Variants in STAT3 observed in about 807,000 individuals in gnomAD.
STAT3 encodes the protein signal transducer and activator of transcription 3, also known as DNA-binding protein APRF.
In STAT3, 7 loss-of-function variants were observed where a neutral mutation model predicts 114.3. That is an observed-to-expected ratio of 0.06 (90% CI 0.03 to 0.11). The LOEUF is 0.11. STAT3 is among the 10% of genes least tolerant of loss of function. The probability of loss-of-function intolerance (pLI) is 1.00; values close to 1 mark genes in which losing one functional copy is unlikely to be tolerated. For missense variants in STAT3, 364 were observed against 960.9 expected (o/e 0.38, Z 8.21); for synonymous variants, 331 against 354.5 (o/e 0.93, Z 0.74).
intron 1 of STAT3, among the ~76,000 whole-genome samples, chr17:42,368,841 ATATTAAG>A (rs1409643557): frequency 6.6e-6 from 1 of 151,876 alleles, no homozygotes; most frequent in Non-Finnish European, 1.5e-5. Context: ...TTTTGATAAA[ATATTAAG>A]TATTAAGCCC....
intron 10 of STAT3, among the ~76,000 whole-genome samples, chr17:42,332,886 A>G (rs1427019211): frequency 6.6e-6 from 1 of 151,836 alleles, no homozygotes; most frequent in East Asian, 1.9e-4. Flanking sequence ...CTCTATTCCC[A>G]GTTACTCAGG....
At chr17:42,361,840 G>A (rs191014414) in intron 1 of STAT3, among the ~76,000 whole-genome samples, 4 of 152,284 alleles carry the variant, frequency 2.6e-5, no homozygotes, top group African/African-American at 9.6e-5. Context: ...ACAAGTGATA[G>A]TTTGATTTAC....
intron 1 of STAT3, among the ~76,000 whole-genome samples, chr17:42,381,168 A>C (rs770782074): frequency 6.6e-6 from 1 of 152,220 alleles, no homozygotes; most frequent in Non-Finnish European, 1.5e-5. Context: ...TTTAACTGCT[A>C]TAGTAACTTT....
chr17:42,316,411 T>G (rs970376824), intron 23 of STAT3: 15 of 372,750 alleles, frequency 4.0e-5, no homozygotes, highest in South Asian at 3.1e-4. Context: ...AATTTTTATA[T>G]TTTAGAGATT....
chr17:42,351,317 C>T (rs973672051), intron 1 of STAT3, among the ~76,000 whole-genome samples: 1 of 151,952 alleles, frequency 6.6e-6, no homozygotes, highest in Admixed American at 6.6e-5. Flanking sequence ...TCAATCACAG[C>T]TCACTGTAGC....
chr17:42,369,101 C>T (rs1283525750), intron 1 of STAT3, among the ~76,000 whole-genome samples: 3 of 152,042 alleles, frequency 2.0e-5, no homozygotes, highest in Non-Finnish European at 2.9e-5. Flanking sequence ...GTGGCTCACA[C>T]GTAATCCCGG....
At chr17:42,362,834 G>C (rs796368569) in intron 1 of STAT3, among the ~76,000 whole-genome samples, 22 of 152,168 alleles carry the variant, frequency 1.4e-4, no homozygotes, top group African/African-American at 4.8e-4. Flanking sequence ...GTACCAGCTG[G>C]TGGCTAAGTT....
At position 42,316,786 on chromosome 17, in the gene STAT3, C is replaced by T. The variant is rs1567701922; in HGVS notation, c.2257+3G>A. 6.2e-7 allele frequency: 1 copy of T among 1,613,930 alleles called. No homozygotes were observed. Among genetic ancestry groups the T allele is most frequent in the Non-Finnish European group, 8.5e-7 (1 of 1,179,960 alleles). On this transcript the variant is annotated splice_donor_region_variant and intron_variant, in intron 23 of 23. Coordinates refer to ENST00000264657, the MANE Select transcript of STAT3 (RefSeq NM_139276.3). ...GGACAAAGTCTGTCAACCAAATACT[C>T]ACCAAACTGCCCTCCTGCTGAGGGT...
intron 1 of STAT3, chr17:42,374,253 C>T (rs1317824844): frequency 1.3e-5 from 2 of 152,182 alleles, no homozygotes; most frequent in Non-Finnish European, 2.9e-5. Context: ...TAGAAAGAAA[C>T]ATTATCCAGT....
intron 21 of STAT3, chr17:42,317,607 T>G (rs886845444): frequency 3.2e-6 from 1 of 310,784 alleles, no homozygotes; most frequent in African/African-American, 2.1e-5. Context: ...TTAGATAACT[T>G]CTCTGCATGC....
intron 14 of STAT3, among the ~76,000 whole-genome samples, chr17:42,327,052 G>C (rs1391389937): frequency 6.6e-6 from 1 of 152,012 alleles, no homozygotes; most frequent in Non-Finnish European, 1.5e-5. Flanking sequence ...CCTTTACTCA[G>C]TTTGTATTAT....
At chr17:42,346,815 CA>C in intron 2 of STAT3, 102 bp from the exon 3 acceptor site, 1 of 1,507,936 alleles carries the variant, frequency 6.6e-7, no homozygotes, top group East Asian at 2.3e-5. Flanking sequence ...AAAAACAAAG[CA>C]AACCTGATGC....
chr17:42,370,281 T>C (rs918769231), intron 1 of STAT3, among the ~76,000 whole-genome samples: 1 of 150,550 alleles, frequency 6.6e-6, no homozygotes, highest in African/African-American at 2.5e-5. Context: ...AGTCTTGCTC[T>C]GTCGTCCAGG....
intron 2 of STAT3, among the ~76,000 whole-genome samples, chr17:42,347,140 C>T (rs8081037): frequency 0.44 from 64,015 of 146,462 alleles, 15,584 homozygotes; most frequent in African/African-American, 0.66. Flanking sequence ...TGAGCCGAGA[C>T]TGTACCACTG....
Position 42,337,478 on chromosome 17 carries a change from T to C in STAT3, c.754A>G (p.Ile252Val). The stretch of plus-strand genomic sequence containing the variant: ...AGGCAGATGTTGGGCGGGCCTCCAA[T>C]GCAGGCAATCTGTTGCCGCCTCTTC... ...DWKRRQQIAC[I>V]GGPPNICLDR... The change falls in exon 8 of 24, where the codon ATT becomes GTT. Residue 252 changes from isoleucine to valine, a missense_variant. Physicochemically the swap from Ile to Val is conservative, Grantham distance 29 (BLOSUM62 3). Around this residue, in one of 5 missense-constraint regions of STAT3, gnomAD observed 294 missense variants for 745.1 expected, o/e 0.39. Coordinates refer to ENST00000264657, the MANE Select transcript of STAT3 (RefSeq NM_139276.3). The surrounding 1 kb of genome is among the most constrained non-coding windows in gnomAD (Gnocchi z 4.0). 6.2e-7 allele frequency: 1 copy of C among 1,614,210 alleles called. No individual in the cohort carries two copies. Among genetic ancestry groups the C allele is most frequent in the South Asian group, 1.1e-5 (1 of 91,086 alleles).
At chr17:42,329,699 T>C in intron 12 of STAT3, 48 bp downstream of exon 12, 1 of 1,614,110 alleles carries the variant, frequency 6.2e-7, no homozygotes, top group Non-Finnish European at 8.5e-7. Flanking sequence ...AGCCGGAGGA[T>C]GAAGTTAGGT....
chr17:42,345,333 CT>C, intron 4 of STAT3: 1 of 518,610 alleles, frequency 1.9e-6, no homozygotes, highest in Non-Finnish European at 3.4e-6. Flanking sequence ...ACCATTGGGT[CT>C]GTTGGATTCT....
intron 1 of STAT3, among the ~76,000 whole-genome samples, chr17:42,372,707 C>A (rs2084220304): frequency 6.6e-6 from 1 of 152,086 alleles, no homozygotes. Flanking sequence ...TCAGGCTGGA[C>A]AGAGTGGCTC....
intron 1 of STAT3, among the ~76,000 whole-genome samples, chr17:42,373,627 C>T (rs1054071445): frequency 6.6e-4 from 100 of 151,910 alleles, no homozygotes; most frequent in African/African-American, 2.4e-3. Context: ...CGGTGGCTCA[C>T]GCTTGTAATC....
Sources: allele counts gnomAD v4.1 joint callset (sites outside exome capture counted in the v4.1 genomes callset), GRCh38; gene constraint gnomAD v4.1.1; regional missense constraint gnomAD v4.1.1; non-coding constraint Gnocchi (gnomAD v3.1); transcripts MANE v1.5; gene names NCBI Gene and HGNC (gene_info 2026-07-23, HGNC 2026-07-21).